NLRP12: variants seen among roughly 807,000 people sequenced by gnomAD.
NLRP12 encodes NACHT, LRR and PYD domains-containing protein 12.
Under a neutral mutation model 91.2 loss-of-function variants are expected in NLRP12, and 108 were observed. That is an observed-to-expected ratio of 1.18 (90% CI 1.01 to 1.39). The LOEUF is 1.39. Ranked by LOEUF, NLRP12 falls within the 40% of genes most tolerant of loss-of-function variation. The pLI, the probability that NLRP12 is intolerant of heterozygous loss-of-function variation, is 0.00. For synonymous variants in NLRP12, 613 were observed against 566.7 expected, an observed-to-expected ratio of 1.08 and a Z score of -1.16; for missense variants, 1,530 against 1,352.7, an observed-to-expected ratio of 1.13 and a Z score of -2.06.
chr19:53,810,809 G>C lies in NLRP12; in HGVS notation c.850C>G (p.Arg284Gly). The change falls in exon 3 of 10, where the codon CGA (arginine) becomes GGA (glycine). Residue 284 changes from arginine (R) to glycine (G), a missense_variant. Coordinates refer to ENST00000324134, the MANE Select transcript of NLRP12 (RefSeq NM_144687.4). ...ATGAAAAGGAGGCGCTCGGGAACTCGGATGAGCTCCTGGAGAGGCGCGCTG... is the reference window on the plus strand; with the variant it reads ...ATGAAAAGGAGGCGCTCGGGAACTCCGATGAGCTCCTGGAGAGGCGCGCTG... ...EPSAPLQELI[R>G]VPERLLFIID... is the part of the protein sequence containing the mutation. 6.2e-7 allele frequency: 1 copy of C among 1,614,074 alleles called. No individual in the cohort carries two copies. The highest frequency in any genetic ancestry group is 8.5e-7 in the Non-Finnish European group (1 of 1,180,024).
chr19:53,817,211 C>T (rs996255640), intron 1 of NLRP12, among the ~76,000 whole-genome samples: 1 of 151,808 alleles, frequency 6.6e-6, no homozygotes, highest in Admixed American at 6.6e-5. Context: ...GGTGGGATTA[C>T]CTGATGTCAG....
chr19:53,821,197 G>A (rs1163914556), intron 1 of NLRP12, among the ~76,000 whole-genome samples: 3 of 151,052 alleles, frequency 2.0e-5, no homozygotes, highest in Non-Finnish European at 2.9e-5. Flanking sequence ...CACCACACCC[G>A]GCTAATTTTT....
chr19:53,809,822 ACTC>A lies in NLRP12; in HGVS notation c.1834_1836del (p.Glu612del). On this transcript the variant is annotated inframe_deletion, in exon 3 of 10. Coordinates refer to ENST00000324134, the MANE Select transcript of NLRP12 (RefSeq NM_144687.4). Reference sequence around the variant, plus strand: ...TGGATCTCGTACAAGCAGCTGAAGAACTCCAAGGAGCCCTGCTGCAGGGTGGAG... The same window carrying A: ...TGGATCTCGTACAAGCAGCTGAAGAACAAGGAGCCCTGCTGCAGGGTGGAG... 1 of 1,613,948 alleles carries A rather than the reference ACTC, an allele frequency of 6.2e-7. No homozygotes were observed.
chr19:53,820,267 C>T (rs758458934), intron 1 of NLRP12, among the ~76,000 whole-genome samples: 3 of 152,076 alleles, frequency 2.0e-5, no homozygotes, highest in Non-Finnish European at 4.4e-5. Context: ...CAGTGGCTCA[C>T]GCCTGTAATT....
intron 9 of NLRP12, among the ~76,000 whole-genome samples, chr19:53,794,967 T>G (rs984610574): frequency 6.6e-6 from 1 of 152,014 alleles, no homozygotes; most frequent in African/African-American, 2.4e-5. Flanking sequence ...TTTTTTTTCT[T>G]GAGACAAGTT....
intron 7 of NLRP12, among the ~76,000 whole-genome samples, 166 bp downstream of exon 7, chr19:53,801,061 C>T (rs192776295): frequency 1.3e-4 from 19 of 145,164 alleles, no homozygotes; most frequent in Admixed American, 7.1e-4. Flanking sequence ...GGCTTGGTGG[C>T]GGGCGCCTGT....
chr19:53,816,474 C>T (rs1429011017), intron 1 of NLRP12, among the ~76,000 whole-genome samples: 2 of 151,914 alleles, frequency 1.3e-5, no homozygotes, highest in African/African-American at 2.4e-5. Flanking sequence ...TGTCTTTCCT[C>T]TGTTCAGTGC....
chr19:53,795,109 T>TGTGTGC (rs1362668820), intron 9 of NLRP12, among the ~76,000 whole-genome samples: 2 of 46,438 alleles, frequency 4.3e-5, no homozygotes, highest in African/African-American at 1.2e-4. Context: ...GGTGTGTGCG[T>TGTGTGC]GTGTGTGTGT....
In NLRP12 at chr19:53,818,756, G is replaced by C. The variant is rs73935989; in HGVS notation, c.290-3768C>G. 2.3e-3 allele frequency among the ~76,000 whole-genome samples: 357 copies of C among 152,266 alleles called. 1 individual carries two copies. The highest frequency in any genetic ancestry group is 8.3e-3 in the African/African-American group (346 of 41,562). ...GATGTTCTCCCTCAGTGTTTCCTAG[G>C]CATGCCGCGAGAACCAGCCACATCA... is the stretch of plus-strand genomic sequence containing the variant. On this transcript the variant is annotated intron_variant, in intron 1 of 9. Transcript: ENST00000324134.
chr19:53,799,611 G>A (rs1600678868), intron 7 of NLRP12, among the ~76,000 whole-genome samples: 1 of 151,900 alleles, frequency 6.6e-6, no homozygotes, highest in South Asian at 2.1e-4. Flanking sequence ...AGCCTCCTGA[G>A]TACCTGGATA....
intron 1 of NLRP12, among the ~76,000 whole-genome samples, chr19:53,820,007 G>C (rs190906860): frequency 1.3e-3 from 205 of 152,096 alleles, no homozygotes; most frequent in African/African-American, 4.6e-3. Context: ...ACTACTACTG[G>C]CACACCTCAT....
chr19:53,805,082 G>A (rs1200729328), intron 5 of NLRP12, among the ~76,000 whole-genome samples, 198 bp downstream of exon 5: 1 of 152,176 alleles, frequency 6.6e-6, no homozygotes, highest in Non-Finnish European at 1.5e-5. Flanking sequence ...TCATCATGTA[G>A]AATTGAGTGT....
chr19:53,809,808 C>A lies in NLRP12; in HGVS notation c.1851G>T (p.Leu617Phe), dbSNP rs1179439001. The change falls in exon 3 of 10, where the codon TTG (leucine) becomes TTT (phenylalanine). Residue 617 changes from leucine to phenylalanine, a missense_variant. Physicochemically the swap from Leu to Phe is conservative, Grantham distance 22. Coordinates refer to ENST00000324134, the MANE Select transcript of NLRP12 (RefSeq NM_144687.4). ...QQGSLEFFSC[L>F]YEIQEEEFIQ... ...TAAACTCCTCCTCCTGGATCTCGTA[C>A]AAGCAGCTGAAGAACTCCAAGGAGC... 2 of 1,614,116 alleles carry A rather than the reference C, an allele frequency of 1.2e-6. No individual in the cohort carries two copies. The highest frequency in any genetic ancestry group is 1.7e-6 in the Non-Finnish European group (2 of 1,179,992).
At position 53,793,967 on chromosome 19, in the gene NLRP12, G is replaced by T; in HGVS notation, c.*82C>A. 2.1e-6 allele frequency: 2 copies of T among 948,124 alleles called. No homozygotes were observed. Among genetic ancestry groups the T allele is most frequent in the South Asian group, 1.3e-5 (1 of 77,244 alleles). The allele number at this position is 948,124 out of a possible 1,614,324, so 58.7% of individuals were successfully genotyped here. On this transcript the variant is annotated 3_prime_UTR_variant, in exon 10 of 10. Transcript: ENST00000324134. Reference sequence around the variant, plus strand: ...TGAGTCTGTCTCTAGGAAGGAGGCTGATCATTATGCTGGGGGGGTGATGAG... The same window carrying T: ...TGAGTCTGTCTCTAGGAAGGAGGCTTATCATTATGCTGGGGGGGTGATGAG...
At chr19:53,812,408 G>A (rs2092090512) in intron 2 of NLRP12, among the ~76,000 whole-genome samples, 1 of 142,384 alleles carries the variant, frequency 7.0e-6, no homozygotes, top group South Asian at 2.2e-4. Flanking sequence ...GTGAGACTCT[G>A]CCTCAAAAAA....
chr19:53,806,132 G>T (rs1010932505), intron 4 of NLRP12, among the ~76,000 whole-genome samples: 1 of 152,036 alleles, frequency 6.6e-6, no homozygotes, highest in African/African-American at 2.4e-5. Flanking sequence ...TAATCAGGAG[G>T]CTGAGGCAGG....
chr19:53,798,055 G>C (rs958196121), intron 8 of NLRP12, among the ~76,000 whole-genome samples, 188 bp downstream of exon 8: 5 of 152,216 alleles, frequency 3.3e-5, no homozygotes, highest in Non-Finnish European at 7.3e-5. Flanking sequence ...AAAATTTTAA[G>C]TCGGGTAGCA....
chr19:53,806,333 G>C (rs939253342), intron 4 of NLRP12, among the ~76,000 whole-genome samples: 3 of 152,036 alleles, frequency 2.0e-5, no homozygotes, highest in African/African-American at 7.2e-5. Flanking sequence ...GAGGCCAGAA[G>C]TTTGAGACCA....
chr19:53,820,410 G>A (rs993186740), intron 1 of NLRP12, among the ~76,000 whole-genome samples: 4 of 152,004 alleles, frequency 2.6e-5, no homozygotes. Flanking sequence ...CGCACCTGTA[G>A]TCCCAGCTAC....
Sources: gnomAD v4.1 joint callset for allele counts (sites outside exome capture counted in the v4.1 genomes callset) on GRCh38, gnomAD v4.1.1 for gene constraint, MANE v1.5 for transcripts, NCBI Gene and HGNC (gene_info 2026-07-23, HGNC 2026-07-21) for gene names.